NSD3: variants seen among roughly 807,000 people sequenced by gnomAD.
The protein encoded by NSD3 is nuclear receptor binding SET domain protein 3.
A neutral mutation model predicts 160.8 loss-of-function variants in NSD3; 24 were observed. That is an observed-to-expected ratio of 0.15 (90% confidence interval 0.11 to 0.21). The LOEUF (loss-of-function observed/expected upper bound fraction) is 0.21. NSD3 is among the 10% of genes least tolerant of loss of function. NSD3 has a pLI of 1.00. For missense variants in NSD3, 1,157 were observed against 1,735.9 expected (o/e 0.67, Z 5.93); for synonymous variants, 520 against 600.0 (o/e 0.87, Z 1.95).
chr8:38,345,336 G>C (rs1220759564), intron 2 of NSD3, among the ~76,000 whole-genome samples: 1 of 143,554 alleles, frequency 7.0e-6, no homozygotes, highest in African/African-American at 2.6e-5. Context: ...GGGGAGCAGG[G>C]AGAGGGAGGG....
intron 1 of NSD3, among the ~76,000 whole-genome samples, chr8:38,379,370 T>C (rs904806656): frequency 3.3e-5 from 5 of 152,094 alleles, no homozygotes; most frequent in East Asian, 3.8e-4. Flanking sequence ...TCCTAAAAAT[T>C]TGCAGCACTG....
At chr8:38,361,754 CAA>C (rs756700150) in intron 1 of NSD3, among the ~76,000 whole-genome samples, 5 of 31,158 alleles carry the variant, frequency 1.6e-4, no homozygotes, top group African/African-American at 2.5e-4. Context: ...GACTCCGTCT[CAA>C]AAAAAAAAAA....
rs893117922 is a variant in NSD3 at position 38,318,537 on chromosome 8, C to T, written c.1855+358G>A. On this transcript the variant is annotated intron_variant, in intron 9 of 23. Coordinates refer to ENST00000317025, the MANE Select transcript of NSD3 (RefSeq NM_023034.2). The surrounding 1 kb of genome is among the most constrained non-coding windows in gnomAD (Gnocchi z 5.3). ...CTGATTTGTCATAGTCCATGTTTGA[C>T]AAACATGAATAGCTACTATTCGGTA... Among the ~76,000 whole-genome samples, 3 of 152,088 alleles carry T rather than the reference C, an allele frequency of 2.0e-5. No homozygotes were observed. The South Asian group carries it at 6.2e-4, about 31-fold the overall frequency.
intron 15 of NSD3, among the ~76,000 whole-genome samples, chr8:38,297,344 C>T (rs1345283558): frequency 1.3e-5 from 2 of 152,064 alleles, no homozygotes; most frequent in Non-Finnish European, 2.9e-5. Context: ...ATATGTATTT[C>T]AATACGTGAC....
At chr8:38,292,187 C>T (rs567481990) in intron 16 of NSD3, among the ~76,000 whole-genome samples, 1 of 152,334 alleles carries the variant, frequency 6.6e-6, no homozygotes, top group South Asian at 2.1e-4. Flanking sequence ...GTGCACCCTT[C>T]TCCATGCCAG....
chr8:38,362,368 G>A (rs891057475), intron 1 of NSD3, among the ~76,000 whole-genome samples: 1 of 148,508 alleles, frequency 6.7e-6, no homozygotes, highest in Non-Finnish European at 1.5e-5. Flanking sequence ...TAATGGCATG[G>A]ATTTTGAACT....
intron 16 of NSD3, among the ~76,000 whole-genome samples, chr8:38,293,229 A>G (rs1809049450): frequency 6.6e-6 from 1 of 152,100 alleles, no homozygotes; most frequent in Non-Finnish European, 1.5e-5. Context: ...CTAAAATTTA[A>G]ATGGGTAAAC....
chr8:38,377,647 C>T (rs1387746444), intron 1 of NSD3, among the ~76,000 whole-genome samples: 1 of 152,112 alleles, frequency 6.6e-6, no homozygotes, highest in African/African-American at 2.4e-5. Flanking sequence ...GCCACTGCGC[C>T]CAGCCGTGGA....
chr8:38,350,823 G>A (rs570859881), intron 1 of NSD3, among the ~76,000 whole-genome samples: 8 of 152,120 alleles, frequency 5.3e-5, no homozygotes, highest in East Asian at 1.9e-4. Context: ...ATGTAATAAC[G>A]TTACAATATA....
chr8:38,312,913 C>T (rs1478618922), intron 12 of NSD3, among the ~76,000 whole-genome samples: 1 of 152,082 alleles, frequency 6.6e-6, no homozygotes, highest in Non-Finnish European at 1.5e-5. Context: ...TTAAAGGGGC[C>T]AGGCAGCATA....
At position 38,347,962 on chromosome 8, in the gene NSD3, T is replaced by A. The variant is rs1810576859; in HGVS notation, c.210A>T (p.Thr70=). The A allele has an allele frequency of 1.2e-6, 2 of 1,614,116 alleles. No homozygotes were observed. The highest frequency in any genetic ancestry group is 1.7e-6 in the Non-Finnish European group (2 of 1,180,040). The change falls in exon 2 of 24, where the codon ACA becomes ACT. Residue 70 remains threonine, a synonymous_variant. Coordinates refer to ENST00000317025, the MANE Select transcript of NSD3 (RefSeq NM_023034.2). ...CACTGATTGATGATGGATACCCATT[T>A]GTGAGTGGAGGAAGATCTTCTGTTG... ...PATTEDLPPL[T]NGYPSSISVY...
chr8:38,285,901 C>G (rs1808844244), intron 19 of NSD3, among the ~76,000 whole-genome samples: 2 of 152,150 alleles, frequency 1.3e-5, no homozygotes, highest in South Asian at 2.1e-4. Context: ...TGTCTTTCTC[C>G]TGGGCGACTC....
chr8:38,382,216 G>A lies in NSD3; in HGVS notation c.-462C>T, dbSNP rs370576675. 2 of 165,884 alleles carry A rather than the reference G, an allele frequency of 1.2e-5. No individual in the cohort carries two copies. Among genetic ancestry groups the A allele is most frequent in the Non-Finnish European group, 2.5e-5 (2 of 78,992 alleles). The allele number at this position is 165,884 out of a possible 1,614,324, so 10.3% of individuals were successfully genotyped here. ...CCTGTGCACAGCCCCCTCGGCCTCC[G>A]CCTCCGTGCTGGCCGCCGCCGCCGC... On this transcript the variant is annotated 5_prime_UTR_variant, in exon 1 of 24. Coordinates refer to ENST00000317025, the MANE Select transcript of NSD3 (RefSeq NM_023034.2). This position sits in a 1 kb window ranked among gnomAD's most constrained non-coding sequence, Gnocchi z 4.2.
At chr8:38,343,814 C>G (rs1205639845) in intron 2 of NSD3, among the ~76,000 whole-genome samples, 2 of 152,140 alleles carry the variant, frequency 1.3e-5, no homozygotes, top group Non-Finnish European at 2.9e-5. Context: ...AGAACCAAAC[C>G]TGCTACCTTA....
At chr8:38,282,507 C>A (rs1235788703) in intron 19 of NSD3, among the ~76,000 whole-genome samples, 1 of 152,272 alleles carries the variant, frequency 6.6e-6, no homozygotes, top group East Asian at 1.9e-4. Context: ...ACTGTCTCTA[C>A]TAAGAATACA....
chr8:38,337,170 A>C, intron 4 of NSD3, 135 bp downstream of exon 4: 1 of 887,194 alleles, frequency 1.1e-6, no homozygotes. Flanking sequence ...AAAAAAATCC[A>C]CAAAACTGAT....
intron 1 of NSD3, among the ~76,000 whole-genome samples, chr8:38,369,818 A>G (rs1399757888): frequency 6.6e-6 from 1 of 152,072 alleles, no homozygotes; most frequent in Non-Finnish European, 1.5e-5. Flanking sequence ...TTTTTGAGAC[A>G]GAGTCTCGCT....
At chr8:38,293,560 TAA>T (rs1408448838) in intron 16 of NSD3, among the ~76,000 whole-genome samples, 1 of 150,866 alleles carries the variant, frequency 6.6e-6, no homozygotes, top group Non-Finnish European at 1.5e-5. Context: ...AAAAAAAAAT[TAA>T]AAAGAGAGAG....
rs1808515761 is a variant in NSD3 at position 38,272,836 on chromosome 8, C to T, written c.*2805G>A. 6.6e-6 allele frequency: 1 copy of T among 152,214 alleles called. No homozygotes were observed. The highest frequency in any genetic ancestry group is 1.5e-5 in the Non-Finnish European group (1 of 68,042). 9.4% of individuals were successfully genotyped at this position (152,214 alleles called of 1,614,324 possible). A position where few individuals can be genotyped will look rare whatever the true frequency, so the allele number is the denominator to read the frequency against. On this transcript the variant is annotated 3_prime_UTR_variant, in exon 24 of 24. Coordinates refer to ENST00000317025, the MANE Select transcript of NSD3 (RefSeq NM_023034.2). The stretch of plus-strand genomic sequence containing the variant: ...GAATATTTCATTGGTGTATCACAGG[C>T]ACAGTGCATGTATACTCATGCACAC...
Sources: allele counts gnomAD v4.1 joint callset (sites outside exome capture counted in the v4.1 genomes callset), GRCh38; gene constraint gnomAD v4.1.1; non-coding constraint Gnocchi (gnomAD v3.1); transcripts MANE v1.5; gene names NCBI Gene and HGNC (gene_info 2026-07-23, HGNC 2026-07-21).